CILP: variants seen among roughly 807,000 people sequenced by gnomAD.
CILP encodes cartilage intermediate layer protein 1.
In CILP, 75 loss-of-function variants were observed where a neutral mutation model predicts 82.5. The observed-to-expected ratio is 0.91, with a 90% confidence interval of 0.75 to 1.10. CILP has a LOEUF of 1.10. Ranked by LOEUF, CILP falls within the 50% of genes least tolerant of loss-of-function variation. CILP has a pLI of 0.00. For synonymous variants in CILP, 530 were observed against 580.3 expected (o/e 0.91, Z 1.25); for missense variants, 1,479 against 1,530.8 (o/e 0.97, Z 0.56).
In CILP at chr15:65,197,798, C is replaced by T. The variant is rs1295524682; in HGVS notation, c.2488G>A (p.Gly830Arg). The stretch of plus-strand genomic sequence containing the variant: ...GACTCCACTGCTTGCAGTTCCTCCC[C>T]AGCCAGGCTTGCCAAGACATAGGCA... ...YSAYVLASLAGEELQAVESSP... is the reference protein window; with the variant it reads ...YSAYVLASLAREELQAVESSP... Residue 830 changes from glycine (G) to arginine (R), a missense_variant, in exon 9 of 9, where the codon GGG (glycine) becomes AGG (arginine). Coordinates refer to ENST00000261883, the MANE Select transcript of CILP (RefSeq NM_003613.4). 6.2e-7 allele frequency: 1 copy of T among 1,613,674 alleles called. No homozygotes were observed. Among genetic ancestry groups the T allele is most frequent in the South Asian group, 1.1e-5 (1 of 91,088 alleles).
At chr15:65,204,232 C>T in intron 6 of CILP, 36 bp downstream of exon 6, 1 of 1,574,620 alleles carries the variant, frequency 6.4e-7, no homozygotes, top group Non-Finnish European at 8.6e-7. Context: ...AAAATCTGGA[C>T]CTTCTCACCA....
At position 65,196,550 on chromosome 15, in the gene CILP, C is replaced by T. The variant is rs1302660724; in HGVS notation, c.*181G>A. Reference sequence around the variant, plus strand: ...AGTTTCACAAAGGGGCTTTATTGTGCCATTGTGGGGGCCACGTGCCAATCA... The same window carrying T: ...AGTTTCACAAAGGGGCTTTATTGTGTCATTGTGGGGGCCACGTGCCAATCA... On this transcript the variant is annotated 3_prime_UTR_variant, in exon 9 of 9. Transcript: ENST00000261883. The T allele has an allele frequency of 1.6e-5, 8 of 497,296 alleles. No homozygotes were observed. Among genetic ancestry groups the T allele is most frequent in the Middle Eastern group, 1.0e-3 (2 of 1,942 alleles). 30.8% of individuals were successfully genotyped at this position (497,296 alleles called of 1,614,324 possible).
intron 5 of CILP, among the ~76,000 whole-genome samples, chr15:65,205,020 A>AAACAACAACAAC (rs565136281): frequency 2.6e-5 from 4 of 152,030 alleles, no homozygotes; most frequent in Admixed American, 6.6e-5. Context: ...CTCTGTCTCA[A>AAACAACAACAAC]AACAACAACA....
At chr15:65,209,638 C>T in intron 2 of CILP, 57 bp downstream of exon 2, 2 of 1,566,458 alleles carry the variant, frequency 1.3e-6, no homozygotes, top group Non-Finnish European at 1.8e-6. Flanking sequence ...CCAGACCAGA[C>T]ACAACCTCAC....
chr15:65,207,358 C>A (rs566363512), intron 3 of CILP, among the ~76,000 whole-genome samples: 1 of 152,128 alleles, frequency 6.6e-6, no homozygotes, highest in African/African-American at 2.4e-5. Context: ...GCTTTAAGAT[C>A]GTCTAGCTAG....
intron 7 of CILP, among the ~76,000 whole-genome samples, chr15:65,203,143 T>C (rs1032970967): frequency 6.6e-6 from 1 of 152,144 alleles, no homozygotes; most frequent in East Asian, 1.9e-4. Context: ...GGCCAAAGGG[T>C]TCCCCCAGCT....
chr15:65,198,039 G>T lies in CILP; in HGVS notation c.2247C>A (p.Ser749Arg). The T allele has an allele frequency of 6.2e-7, 1 of 1,614,228 alleles. No individual in the cohort carries two copies. The highest frequency in any genetic ancestry group is 1.1e-5 in the South Asian group (1 of 91,090). Residue 749 changes from serine (S) to arginine (R), a missense_variant, in exon 9 of 9, where the codon AGC becomes AGA. By Grantham distance (110) the Ser-to-Arg change is moderately radical. Transcript: ENST00000261883. ...CCCTCACCTTAACAAAGCACCGCCT[G>T]CTTTCAGGAACATCCAGGTTAAAGA... ...RRLFNLDVPE[S>R]RRCFVKVRAY...
chr15:65,202,053 C>T, intron 7 of CILP, 24 bp from the exon 8 acceptor site: 3 of 1,532,524 alleles, frequency 2.0e-6, no homozygotes, highest in East Asian at 2.5e-5. Context: ...AGAGGTAGAA[C>T]CTGAATGGGC....
chr15:65,202,853 T>TGAGAC (rs2088475536), intron 7 of CILP, among the ~76,000 whole-genome samples: 1 of 149,344 alleles, frequency 6.7e-6, no homozygotes, highest in East Asian at 1.9e-4. Flanking sequence ...TTTTTTTTTT[T>TGAGAC]GAGACAAGAT....
At position 65,198,452 on chromosome 15, in the gene CILP, T is replaced by A; in HGVS notation, c.1834A>T (p.Asn612Tyr). ...ACTTTTCCTATGTAGGGCTCCCCAT[T>A]CTGCCTGTAGAAACTCCTGGATGGA... ...EIPSRSFYRQ[N>Y]GEPYIGKVKA... The change falls in exon 9 of 9, where the codon AAT becomes TAT. Residue 612 changes from asparagine to tyrosine, a missense_variant. Physicochemically the swap from Asn to Tyr is moderately radical, Grantham distance 143. Coordinates refer to ENST00000261883, the MANE Select transcript of CILP (RefSeq NM_003613.4). The A allele has an allele frequency of 6.2e-7, 1 of 1,614,252 alleles. No homozygotes were observed. The highest frequency in any genetic ancestry group is 8.5e-7 in the Non-Finnish European group (1 of 1,180,048).
At position 65,201,995 on chromosome 15, in the gene CILP, A is replaced by G; in HGVS notation, c.1063T>C (p.Tyr355His). 1 of 1,600,966 alleles carries G rather than the reference A, an allele frequency of 6.2e-7. No homozygotes were observed. Among genetic ancestry groups the G allele is most frequent in the East Asian group, 2.3e-5 (1 of 43,684 alleles). The change falls in exon 8 of 9, where the codon TAC (tyrosine) becomes CAC (histidine). Residue 355 changes from tyrosine (Y) to histidine (H), a missense_variant. Coordinates refer to ENST00000261883, the MANE Select transcript of CILP (RefSeq NM_003613.4). ...AGCACCAGCTTGCTCTCATGCTTGT[A>G]GAGGGAAGGATCCAGCAATGTGTCA... ...HNDTLLDPSL[Y>H]KHESKLVLRK...
At chr15:65,204,685 C>A in intron 5 of CILP, 103 bp from the exon 6 acceptor site, 2 of 1,150,106 alleles carry the variant, frequency 1.7e-6, no homozygotes, top group Non-Finnish European at 2.4e-6. Context: ...TGCTACCCTC[C>A]CTTATCAGCC....
chr15:65,198,230 G>C lies in CILP; in HGVS notation c.2056C>G (p.Gln686Glu), dbSNP rs2088401746. Residue 686 changes from glutamine (Q) to glutamate (E), a missense_variant, in exon 9 of 9, where the codon CAG becomes GAG. Coordinates refer to ENST00000261883, the MANE Select transcript of CILP (RefSeq NM_003613.4). The part of the protein sequence containing the change: ...GKVKVHLDST[Q>E]VKMPEHISTV... The stretch of plus-strand genomic sequence containing the variant: ...GATATGTGCTCTGGCATCTTGACCT[G>C]GGTCGAGTCAAGGTGGACCTTCACT... 1 of 1,614,242 alleles carries C rather than the reference G, an allele frequency of 6.2e-7. No individual in the cohort carries two copies. The highest frequency in any genetic ancestry group is 8.5e-7 in the Non-Finnish European group (1 of 1,180,052).
At chr15:65,201,677 T>C (rs1009702017) in intron 8 of CILP, among the ~76,000 whole-genome samples, 195 bp downstream of exon 8, 1 of 134,614 alleles carries the variant, frequency 7.4e-6, no homozygotes, top group African/African-American at 2.9e-5. Context: ...TGAAGTGAGC[T>C]GAGATGGTGC....
chr15:65,203,459 T>G lies in CILP; in HGVS notation c.931A>C (p.Met311Leu). The G allele has an allele frequency of 6.2e-7, 1 of 1,612,294 alleles. No homozygotes were observed. The highest frequency in any genetic ancestry group is 8.5e-7 in the Non-Finnish European group (1 of 1,179,748). ...GCTTTTGTCTCAGGGTTCATCACCA[T>G]GTATGGAGTCTCTGGGACAGAAAAT... ...AEFVRAETPY[M>L]VMNPETKARR... is the part of the protein sequence containing the mutation. The change falls in exon 7 of 9, where the codon ATG (methionine) becomes CTG (leucine). Residue 311 changes from methionine to leucine, a missense_variant. By Grantham distance (15) the Met-to-Leu change is conservative. Transcript: ENST00000261883.
At chr15:65,208,671 C>T (rs547280958) in intron 2 of CILP, among the ~76,000 whole-genome samples, 46 of 152,140 alleles carry the variant, frequency 3.0e-4, no homozygotes, top group Non-Finnish European at 5.7e-4. Context: ...TCCAGCTGTA[C>T]CCTACCTGAG....
At position 65,204,408 on chromosome 15, in the gene CILP, C is replaced by T; in HGVS notation, c.779G>A (p.Gly260Glu). The T allele has an allele frequency of 1.2e-6, 2 of 1,614,174 alleles. No homozygotes were observed. The highest frequency in any genetic ancestry group is 1.7e-6 in the Non-Finnish European group (2 of 1,180,032). The change falls in exon 6 of 9, where the codon GGG (glycine) becomes GAG (glutamate). Residue 260 changes from glycine to glutamate, a missense_variant. Transcript: ENST00000261883. ...GCACAAGCCAGGGATTCGGAATCTC[C>T]CATCACTGTCTGTCTGGGTCAGCAG... ...PKLLTQTDSD[G>E]RFRIPGLCPD...
chr15:65,198,338 C>A lies in CILP; in HGVS notation c.1948G>T (p.Asp650Tyr). Residue 650 changes from aspartate (D) to tyrosine (Y), a missense_variant, in exon 9 of 9, where the codon GAC (aspartate) becomes TAC (tyrosine). Physicochemically the swap from Asp to Tyr is radical, Grantham distance 160. Coordinates refer to ENST00000261883, the MANE Select transcript of CILP (RefSeq NM_003613.4). ...TDLNFINDEG[D>Y]TFPLRTYGMF... is the part of the protein sequence containing the mutation. ...CCATACGTCCGAAGGGGGAAAGTGT[C>A]TCCTTCGTCATTGATGAAGTTCAGG... 13 of 1,614,208 alleles carry A rather than the reference C, an allele frequency of 8.1e-6. No individual in the cohort carries two copies. Among genetic ancestry groups the A allele is most frequent in the Non-Finnish European group, 1.1e-5 (13 of 1,180,048 alleles).
chr15:65,197,819 A>C lies in CILP; in HGVS notation c.2467T>G (p.Tyr823Asp). 6.2e-7 allele frequency: 1 copy of C among 1,614,038 alleles called. No homozygotes were observed. Residue 823 changes from tyrosine to aspartate, a missense_variant, in exon 9 of 9, where the codon TAT becomes GAT. By Grantham distance (160) the Tyr-to-Asp change is radical (BLOSUM62 -3). Transcript: ENST00000261883. ...TCCCCAGCCAGGCTTGCCAAGACAT[A>C]GGCAGAGTAGGCATCAGGGGACTGG... The part of the protein sequence containing the change: ...DDQSPDAYSA[Y>D]VLASLAGEEL...
Sources: gnomAD v4.1 joint callset for allele counts (sites outside exome capture counted in the v4.1 genomes callset) on GRCh38, gnomAD v4.1.1 for gene constraint, MANE v1.5 for transcripts, NCBI Gene and HGNC (gene_info 2026-07-23, HGNC 2026-07-21) for gene names.